RFX2: variants seen among roughly 807,000 people sequenced by gnomAD.
The protein encoded by RFX2 is DNA-binding protein RFX2.
Under a neutral mutation model 87.8 loss-of-function variants are expected in RFX2, and 20 were observed. The observed-to-expected ratio is 0.23, with a 90% confidence interval of 0.16 to 0.33. RFX2 has a LOEUF of 0.33. Among genes scored for constraint, RFX2 ranks in the 10% least tolerant of loss-of-function variants. RFX2 has a pLI of 1.00. For synonymous variants in RFX2, 397 were observed against 431.3 expected, an observed-to-expected ratio of 0.92 and a Z score of 0.98; for missense variants, 767 against 1,012.3, an observed-to-expected ratio of 0.76 and a Z score of 3.29.
intron 1 of RFX2, among the ~76,000 whole-genome samples, chr19:6,062,917 C>T (rs1172738099): frequency 1.3e-5 from 2 of 151,956 alleles, no homozygotes; most frequent in Non-Finnish European, 2.9e-5. Flanking sequence ...CTGGGGGTCG[C>T]TCCCTGGCCA....
chr19:6,097,006 C>T (rs2088039578), intron 1 of RFX2, among the ~76,000 whole-genome samples: 1 of 152,140 alleles, frequency 6.6e-6, no homozygotes, highest in Admixed American at 6.5e-5. Context: ...ATGAGAGGGT[C>T]TGAACTGGAA....
At chr19:6,082,673 T>C (rs776642157) in intron 1 of RFX2, among the ~76,000 whole-genome samples, 8 of 152,152 alleles carry the variant, frequency 5.3e-5, no homozygotes, top group Non-Finnish European at 1.0e-4. Context: ...GCTCATGGGA[T>C]CCGCCCACTT....
At chr19:6,069,755 G>A (rs567287291) in intron 1 of RFX2, among the ~76,000 whole-genome samples, 3 of 152,350 alleles carry the variant, frequency 2.0e-5, no homozygotes, top group African/African-American at 4.8e-5. Context: ...AGCCACAGAG[G>A]TTGGAGCAGG....
intron 1 of RFX2, among the ~76,000 whole-genome samples, chr19:6,098,971 A>C (rs1433560816): frequency 1.6e-5 from 2 of 128,862 alleles, no homozygotes; most frequent in Non-Finnish European, 3.1e-5. Flanking sequence ...ACCACAAAAA[A>C]AAAAAAAAAA....
intron 1 of RFX2, among the ~76,000 whole-genome samples, chr19:6,068,635 T>G (rs980370107): frequency 6.6e-6 from 1 of 151,384 alleles, no homozygotes; most frequent in Admixed American, 6.6e-5. Context: ...GCGTTCCTAA[T>G]GGAGGGAAAA....
At chr19:6,090,370 CAAAA>C (rs1169384189) in intron 1 of RFX2, among the ~76,000 whole-genome samples, 1 of 56,550 alleles carries the variant, frequency 1.8e-5, no homozygotes, top group Non-Finnish European at 4.3e-5. Context: ...GACTCTGTCT[CAAAA>C]AAAAAAAAAA....
At position 6,050,130 on chromosome 19, in the gene RFX2, A is replaced by C. The variant is rs2144785098; in HGVS notation, c.-8-2626T>G. On this transcript the variant is annotated intron_variant, in intron 1 of 17. Transcript: ENST00000303657. The surrounding 1 kb of genome is among the most constrained non-coding windows in gnomAD (Gnocchi z 4.6). ...GAGATACCAGGGGTCTTGGGGAAAA[A>C]CCAGCAGTGCAAAGATAAAAAAATT... 6.6e-6 allele frequency among the ~76,000 whole-genome samples: 1 copy of C among 152,302 alleles called. No homozygotes were observed. Among genetic ancestry groups the C allele is most frequent in the South Asian group, 2.1e-4 (1 of 4,824 alleles).
At chr19:6,003,777 T>TGAAAAAA (rs1318446976) in intron 13 of RFX2, among the ~76,000 whole-genome samples, 21 of 32,858 alleles carry the variant, frequency 6.4e-4, no homozygotes, top group Middle Eastern at 0.025. Flanking sequence ...AGACTCTGTC[T>TGAAAAAA]CAAAAAAAAA....
chr19:6,007,280 G>A lies in RFX2; in HGVS notation c.1248-114C>T, dbSNP rs1033281495. 3 of 1,113,008 alleles carry A rather than the reference G, an allele frequency of 2.7e-6. No homozygotes were observed. The highest frequency in any genetic ancestry group is 1.6e-5 in the African/African-American group (1 of 64,098). The allele number at this position is 1,113,008 out of a possible 1,614,324, so 68.9% of individuals were successfully genotyped here. ...ACTTTTGCCCAACAGTGGGGCTGGG[G>A]TTTTGCTCCCCATCCCTGAGCCTCG... On this transcript the variant is annotated intron_variant, in intron 11 of 17. Transcript: ENST00000303657. The surrounding 1 kb of genome is among the most constrained non-coding windows in gnomAD (Gnocchi z 8.2).
chr19:6,104,715 A>G (rs10422245), intron 1 of RFX2, among the ~76,000 whole-genome samples: 12,311 of 152,178 alleles, frequency 0.081, 534 homozygotes, highest in Middle Eastern at 0.11. Flanking sequence ...TGCAGCTCTC[A>G]ACTCTTCATT....
At chr19:6,005,936 C>T (rs1248724248) in intron 12 of RFX2, among the ~76,000 whole-genome samples, 1 of 152,204 alleles carries the variant, frequency 6.6e-6, no homozygotes, top group East Asian at 1.9e-4. Flanking sequence ...CCAAGGCCTC[C>T]CGCACAGTGA....
At chr19:6,091,499 A>C (rs1003970147) in intron 1 of RFX2, among the ~76,000 whole-genome samples, 3 of 152,202 alleles carry the variant, frequency 2.0e-5, no homozygotes, top group African/African-American at 7.2e-5. Context: ...AATTGAAAAA[A>C]GAAGATGACG....
In RFX2 at chr19:6,056,921, C is replaced by G. The variant is rs1286986328; in HGVS notation, c.-8-9417G>C. Reference sequence around the variant, plus strand: ...TGTCACCCAGCCTGGCCCTGCCTGGCCAACGGGCTTGGCTGGCCCAAAGCT... The same window carrying G: ...TGTCACCCAGCCTGGCCCTGCCTGGGCAACGGGCTTGGCTGGCCCAAAGCT... On this transcript the variant is annotated intron_variant, in intron 1 of 17. Coordinates refer to ENST00000303657, the MANE Select transcript of RFX2 (RefSeq NM_000635.4). The surrounding 1 kb of genome is among the most constrained non-coding windows in gnomAD (Gnocchi z 4.6). Among the ~76,000 whole-genome samples, 1 of 152,162 alleles carries G rather than the reference C, an allele frequency of 6.6e-6. No individual in the cohort carries two copies. Among genetic ancestry groups the G allele is most frequent in the African/African-American group, 2.4e-5 (1 of 41,432 alleles).
rs2086675808 is a variant in RFX2 at position 6,012,676 on chromosome 19, G to A, written c.899+310C>T. 6.6e-6 allele frequency among the ~76,000 whole-genome samples: 1 copy of A among 152,106 alleles called. No individual in the cohort carries two copies. Among genetic ancestry groups the A allele is most frequent in the African/African-American group, 2.4e-5 (1 of 41,408 alleles). On this transcript the variant is annotated intron_variant, in intron 8 of 17. Transcript: ENST00000303657. The surrounding 1 kb of genome is among the most constrained non-coding windows in gnomAD (Gnocchi z 4.6). Reference sequence around the variant, plus strand: ...GGCGGTGGGGAGCGGGGCTGGGGGTGTAGAACAACTCTCTGTACTTTCTAC... The same window carrying A: ...GGCGGTGGGGAGCGGGGCTGGGGGTATAGAACAACTCTCTGTACTTTCTAC...
intron 5 of RFX2, among the ~76,000 whole-genome samples, chr19:6,035,227 T>G (rs1306843088): frequency 6.6e-6 from 1 of 152,172 alleles, no homozygotes; most frequent in Admixed American, 6.5e-5. Flanking sequence ...CTCTGGGTCT[T>G]GCAGGAGGAA....
In RFX2 at chr19:6,047,540, GCTGCAAGCA is replaced by G; in HGVS notation, c.-8-45_-8-37del. 6.6e-7 allele frequency: 1 copy of G among 1,524,126 alleles called. No homozygotes were observed. The highest frequency in any genetic ancestry group is 1.7e-4 in the Middle Eastern group (1 of 5,814). 94.4% of individuals were successfully genotyped at this position (1,524,126 alleles called of 1,614,324 possible). On this transcript the variant is annotated intron_variant, in intron 1 of 17. Transcript: ENST00000303657. The surrounding 1 kb of genome is among the most constrained non-coding windows in gnomAD (Gnocchi z 4.2). ...GCGGAGAGAGATTGGGTGGGCAAGG[GCTGCAAGCA>G]CTGAAATCCGAAGAGGCAACTAACA...
chr19:6,065,544 G>A (rs2087497232), intron 1 of RFX2, among the ~76,000 whole-genome samples: 1 of 152,160 alleles, frequency 6.6e-6, no homozygotes, highest in Admixed American at 6.5e-5. Flanking sequence ...CTACTCGGGA[G>A]GCTGAGGCGG....
intron 1 of RFX2, among the ~76,000 whole-genome samples, chr19:6,093,488 T>C (rs1043590677): frequency 6.6e-6 from 1 of 152,086 alleles, no homozygotes. Context: ...TGAGCCGGGA[T>C]TGTGCCACTG....
At chr19:6,080,296 C>T (rs2087761182) in intron 1 of RFX2, among the ~76,000 whole-genome samples, 1 of 151,022 alleles carries the variant, frequency 6.6e-6, no homozygotes, top group African/African-American at 2.4e-5. Flanking sequence ...GCTTTGTTGC[C>T]CAGGCTGGTT....
Sources: gnomAD v4.1 joint callset for allele counts (sites outside exome capture counted in the v4.1 genomes callset) on GRCh38, gnomAD v4.1.1 for gene constraint, Gnocchi (gnomAD v3.1) non-coding constraint, MANE v1.5 for transcripts, NCBI Gene and HGNC (gene_info 2026-07-23, HGNC 2026-07-21) for gene names.